ERC1: variants seen among roughly 807,000 people sequenced by gnomAD.
ERC1 encodes ELKS/RAB6-interacting/CAST family member 1.
ERC1 carries 56 observed loss-of-function variants against 132.0 expected under a neutral mutation model. The observed-to-expected ratio is 0.42, with a 90% CI of 0.34 to 0.53. The LOEUF (loss-of-function observed/expected upper bound fraction) is 0.53, where lower values mean the gene tolerates loss of function less well. Among genes scored for constraint, ERC1 ranks in the 20% least tolerant of loss-of-function variants. ERC1 has a pLI of 0.03. For synonymous variants in ERC1, 478 were observed against 476.1 expected (o/e 1.00, Z -0.05); for missense variants, 1,202 against 1,349.9 (o/e 0.89, Z 1.72).
intron 2 of ERC1, among the ~76,000 whole-genome samples, chr12:1,069,438 A>C (rs990275727): frequency 2.6e-5 from 4 of 152,192 alleles, no homozygotes; most frequent in Non-Finnish European, 2.9e-5. Flanking sequence ...TCAAGGATCT[A>C]TATAGATGGA....
intron 4 of ERC1, among the ~76,000 whole-genome samples, chr12:1,106,908 C>T (rs1945327073): frequency 6.6e-6 from 1 of 152,028 alleles, no homozygotes; most frequent in Non-Finnish European, 1.5e-5. Context: ...CCAGTGGGGT[C>T]AAGAGGATGT....
intron 2 of ERC1, among the ~76,000 whole-genome samples, chr12:1,082,943 A>G (rs1371104584): frequency 6.6e-6 from 1 of 152,170 alleles, no homozygotes; most frequent in African/African-American, 2.4e-5. Context: ...AGTGAGTGCC[A>G]TACTTATTTT....
chr12:1,268,158 A>G (rs2077591136), intron 14 of ERC1, among the ~76,000 whole-genome samples: 1 of 152,220 alleles, frequency 6.6e-6, no homozygotes, highest in African/African-American at 2.4e-5. Context: ...ATGTACACTA[A>G]TAGAACTATA....
chr12:1,242,397 TAAA>T (rs1018040554), intron 13 of ERC1, among the ~76,000 whole-genome samples: 2 of 152,118 alleles, frequency 1.3e-5, no homozygotes, highest in Non-Finnish European at 2.9e-5. Context: ...TTTATCATGT[TAAA>T]AAAGATTTAA....
At chr12:1,249,693 A>G (rs914527582) in intron 13 of ERC1, among the ~76,000 whole-genome samples, 7 of 152,172 alleles carry the variant, frequency 4.6e-5, no homozygotes, top group African/African-American at 9.7e-5. Context: ...CTCTTAGTCT[A>G]TTTGGGCTGC....
intron 2 of ERC1, among the ~76,000 whole-genome samples, chr12:1,053,969 G>C (rs868799601): frequency 6.6e-6 from 1 of 152,132 alleles, no homozygotes; most frequent in Non-Finnish European, 1.5e-5. Flanking sequence ...CTTTTGGGTG[G>C]TCTGTGCTTA....
intron 16 of ERC1, among the ~76,000 whole-genome samples, chr12:1,394,053 C>A (rs1322744160): frequency 2.1e-4 from 26 of 122,252 alleles, no homozygotes; most frequent in African/African-American, 3.8e-4. Context: ...AACCACAAAG[C>A]ATTAAGCAAT....
intron 17 of ERC1, among the ~76,000 whole-genome samples, chr12:1,436,680 G>C (rs757774131): frequency 3.3e-5 from 5 of 150,804 alleles, no homozygotes; most frequent in Non-Finnish European, 5.9e-5. Context: ...TGAGGCACCA[G>C]GCCTCAGAGG....
At chr12:1,342,076 T>C (rs2083952231) in intron 15 of ERC1, among the ~76,000 whole-genome samples, 1 of 151,972 alleles carries the variant, frequency 6.6e-6, no homozygotes, top group Non-Finnish European at 1.5e-5. Context: ...TAATATACTA[T>C]AATAATATAA....
At position 1,115,924 on chromosome 12, in the gene ERC1, C is replaced by G; in HGVS notation, c.1460C>G (p.Thr487Arg). The G allele has an allele frequency of 6.2e-7, 1 of 1,614,078 alleles. No individual in the cohort carries two copies. The highest frequency in any genetic ancestry group is 8.5e-7 in the Non-Finnish European group (1 of 1,179,976). The change falls in exon 7 of 19, where the codon ACA (threonine) becomes AGA (arginine). Residue 487 changes from threonine to arginine, a missense_variant. Physicochemically the swap from Thr to Arg is moderately conservative, Grantham distance 71. Coordinates refer to ENST00000360905, the MANE Select transcript of ERC1 (RefSeq NM_178040.4). ...GACACAGAACTACTCGCCCTGCAGA[C>G]AAAGCTAGAAACACTCACAAACCAG... ...RKDTELLALQ[T>R]KLETLTNQFS...
At chr12:1,448,379 G>A (rs955995554) in intron 18 of ERC1, among the ~76,000 whole-genome samples, 9 of 152,162 alleles carry the variant, frequency 5.9e-5, no homozygotes, top group African/African-American at 2.2e-4. Flanking sequence ...GCTTCTAAAG[G>A]TTGGTGGAGA....
At chr12:1,044,439 A>C (rs1408571206) in intron 2 of ERC1, among the ~76,000 whole-genome samples, 1 of 152,172 alleles carries the variant, frequency 6.6e-6, no homozygotes, top group Non-Finnish European at 1.5e-5. Context: ...GATGGGAGAA[A>C]ATCAGTGTTT....
chr12:1,163,178 A>G (rs1952039562), intron 8 of ERC1, among the ~76,000 whole-genome samples: 1 of 152,174 alleles, frequency 6.6e-6, no homozygotes, highest in Admixed American at 6.5e-5. Context: ...GTATGTCAAC[A>G]GGTTTCTGGT....
chr12:1,196,947 C>T lies in ERC1; in HGVS notation c.2351+6895C>T, dbSNP rs868600994. Among the ~76,000 whole-genome samples, 208 of 37,582 alleles carry T rather than the reference C, an allele frequency of 5.5e-3. 1 individual carries two copies. The highest frequency in any genetic ancestry group is 8.6e-3 in the African/African-American group (24 of 2,800). 24.7% of individuals were successfully genotyped at this position (37,582 alleles called of 152,430 possible). Reference sequence around the variant, plus strand: ...ACACACACACACACACACACACACACACACACACACACACATATATATATA... The same window carrying T: ...ACACACACACACACACACACACACATACACACACACACACATATATATATA... On this transcript the variant is annotated intron_variant, in intron 12 of 18. Transcript: ENST00000360905.
chr12:1,194,266 C>G (rs1160320919), intron 12 of ERC1, among the ~76,000 whole-genome samples: 1 of 151,978 alleles, frequency 6.6e-6, no homozygotes, highest in Non-Finnish European at 1.5e-5. Flanking sequence ...ACTAAAAACA[C>G]AAAAATTAGC....
At chr12:1,036,073 T>A (rs933392339) in intron 2 of ERC1, among the ~76,000 whole-genome samples, 1 of 152,188 alleles carries the variant, frequency 6.6e-6, no homozygotes, top group Non-Finnish European at 1.5e-5. Context: ...TTTAAAGCAC[T>A]GTCATTGAAA....
intron 12 of ERC1, among the ~76,000 whole-genome samples, chr12:1,206,214 T>C (rs548942077): frequency 1.3e-5 from 2 of 152,214 alleles, no homozygotes; most frequent in South Asian, 4.1e-4. Flanking sequence ...TTTTTCTAGA[T>C]AGAAACATTT....
intron 18 of ERC1, among the ~76,000 whole-genome samples, chr12:1,447,507 C>A (rs1391306540): frequency 6.6e-6 from 1 of 150,712 alleles, no homozygotes; most frequent in Non-Finnish European, 1.5e-5. Flanking sequence ...CAGAGTGAGA[C>A]CCCGTCTCAA....
At chr12:1,419,333 C>T (rs2092328621) in intron 17 of ERC1, among the ~76,000 whole-genome samples, 1 of 152,058 alleles carries the variant, frequency 6.6e-6, no homozygotes, top group Admixed American at 6.6e-5. Flanking sequence ...TAGTATACTA[C>T]AAATGTACTT....
Sources: allele counts gnomAD v4.1 joint callset (sites outside exome capture counted in the v4.1 genomes callset), GRCh38; gene constraint gnomAD v4.1.1; transcripts MANE v1.5; gene names NCBI Gene and HGNC (gene_info 2026-07-23, HGNC 2026-07-21).